The following SLC9C1 variants were observed in gnomAD, a reference collection of about 807,000 sequenced individuals.
SLC9C1 encodes the protein sodium/hydrogen exchanger 10.
In SLC9C1, 97 loss-of-function variants were observed where a neutral mutation model predicts 140.9. The ratio of observed to expected loss-of-function variants is 0.69; its 90% CI spans 0.58 to 0.82. The LOEUF is 0.82. Among genes scored for constraint, SLC9C1 ranks in the 40% least tolerant of loss-of-function variants. The pLI, the probability that SLC9C1 is intolerant of heterozygous loss-of-function variation, is 0.00. For synonymous variants in SLC9C1, 440 were observed against 442.6 expected, an observed-to-expected ratio of 0.99 and a Z score of 0.07; for missense variants, 1,340 against 1,389.3, an observed-to-expected ratio of 0.96 and a Z score of 0.56.
chr3:112,204,358 A>T lies in SLC9C1; in HGVS notation c.2032T>A (p.Phe678Ile). The T allele has an allele frequency of 6.4e-7, 1 of 1,574,286 alleles. No individual in the cohort carries two copies. The highest frequency in any genetic ancestry group is 8.6e-7 in the Non-Finnish European group (1 of 1,166,446). ...CCAATTAATGTAATTGCTAACTCGA[A>T]TATGTTCCAGGCATGTGAAAAAAAG... Reference protein sequence around the residue: ...KDFFSHAWNIFELAITLIGIL... With the variant: ...KDFFSHAWNIIELAITLIGIL... Residue 678 changes from phenylalanine (F) to isoleucine (I), a missense_variant, in exon 17 of 29, where the codon TTC (phenylalanine) becomes ATC (isoleucine). Transcript: ENST00000305815.
At chr3:112,214,462 G>A (rs9820821) in intron 15 of SLC9C1, among the ~76,000 whole-genome samples, 45,604 of 151,856 alleles carry the variant, frequency 0.3, 7,061 homozygotes, top group East Asian at 0.36. Context: ...TAGACCACTA[G>A]CAAGACTAAT....
intron 25 of SLC9C1, among the ~76,000 whole-genome samples, chr3:112,167,830 A>G (rs1351988967): frequency 1.3e-5 from 2 of 152,194 alleles, no homozygotes; most frequent in African/African-American, 4.8e-5. Flanking sequence ...AGAGTTTATC[A>G]GGCTTCAGGC....
intron 13 of SLC9C1, among the ~76,000 whole-genome samples, chr3:112,224,755 G>GA (rs1410910224): frequency 2.0e-5 from 3 of 149,122 alleles, no homozygotes; most frequent in African/African-American, 7.4e-5. Context: ...AAAAGAGAAA[G>GA]AAAAAAGAGA....
intron 13 of SLC9C1, among the ~76,000 whole-genome samples, chr3:112,225,759 G>A (rs1006877557): frequency 1.6e-5 from 1 of 63,328 alleles, no homozygotes; most frequent in Non-Finnish European, 3.5e-5. Flanking sequence ...ACCCAAAAAT[G>A]ATCAGGAGTA....
chr3:112,162,652 G>T (rs2075341034), intron 26 of SLC9C1, among the ~76,000 whole-genome samples: 1 of 152,172 alleles, frequency 6.6e-6, no homozygotes, highest in African/African-American at 2.4e-5. Flanking sequence ...TCTTTTTGAT[G>T]TACTGCTGGA....
chr3:112,241,431 G>A (rs4392388), intron 11 of SLC9C1, among the ~76,000 whole-genome samples: 89,840 of 151,920 alleles, frequency 0.59, 27,075 homozygotes, highest in East Asian at 0.79. Context: ...ATAAAACACT[G>A]TGAAAGTAAT....
intron 7 of SLC9C1, among the ~76,000 whole-genome samples, chr3:112,269,542 G>A (rs1372681497): frequency 6.6e-6 from 1 of 152,150 alleles, no homozygotes; most frequent in African/African-American, 2.4e-5. Context: ...TATGCATTCT[G>A]TTTTGGGAGG....
At chr3:112,243,823 T>C in intron 11 of SLC9C1, among the ~76,000 whole-genome samples, 172 bp downstream of exon 11, 1 of 152,018 alleles carries the variant, frequency 6.6e-6, no homozygotes, top group East Asian at 1.9e-4. Flanking sequence ...TCCAAATAGC[T>C]AGGACAACAG....
intron 1 of SLC9C1, 50 bp downstream of exon 1, chr3:112,294,043 G>A (rs904053132): frequency 1.3e-5 from 2 of 152,226 alleles, no homozygotes; most frequent in African/African-American, 2.4e-5. Flanking sequence ...GAAAGTACCA[G>A]TAGGAAAGGT....
At chr3:112,216,595 C>T (rs1434060299) in intron 15 of SLC9C1, among the ~76,000 whole-genome samples, 1 of 151,852 alleles carries the variant, frequency 6.6e-6, no homozygotes, top group Non-Finnish European at 1.5e-5. Flanking sequence ...AGCCAAAAGA[C>T]ACATGAAAAA....
chr3:112,213,494 A>G (rs963746313), intron 15 of SLC9C1, among the ~76,000 whole-genome samples: 1 of 152,174 alleles, frequency 6.6e-6, no homozygotes, highest in African/African-American at 2.4e-5. Context: ...TAGGCTCAAA[A>G]TAAAGGGATG....
At position 112,277,806 on chromosome 3, in the gene SLC9C1, G is replaced by T; in HGVS notation, c.373C>A (p.His125Asn). 6.2e-7 allele frequency: 1 copy of T among 1,611,590 alleles called. No homozygotes were observed. Reference sequence around the variant, plus strand: ...AGTAATTGATTTACAGATGCCAGATGCCAAAGAACTAAGATATAATTAACC... The same window carrying T: ...AGTAATTGATTTACAGATGCCAGATTCCAAAGAACTAAGATATAATTAACC... ...FLVNYILVLW[H>N]LASVNQLLLK... The change falls in exon 5 of 29, where the codon CAT (histidine) becomes AAT (asparagine). Residue 125 changes from histidine (H) to asparagine (N), a missense_variant. His to Asn is a moderately conservative substitution (Grantham distance 68). Transcript: ENST00000305815.
chr3:112,233,050 C>CACACAT (rs1326383624), intron 12 of SLC9C1, among the ~76,000 whole-genome samples: 125 of 86,622 alleles, frequency 1.4e-3, no homozygotes, highest in Middle Eastern at 5.2e-3. Context: ...CACACACACA[C>CACACAT]ATATATATAT....
chr3:112,165,272 CGTCAAA>C (rs1197482835), intron 26 of SLC9C1, among the ~76,000 whole-genome samples: 4 of 152,196 alleles, frequency 2.6e-5, no homozygotes, highest in African/African-American at 7.2e-5. Context: ...TCTCTCAACT[CGTCAAA>C]GTCATTCTCC....
chr3:112,261,747 A>G (rs1576470344), intron 10 of SLC9C1, among the ~76,000 whole-genome samples: 1 of 152,196 alleles, frequency 6.6e-6, no homozygotes, highest in East Asian at 1.9e-4. Flanking sequence ...TCATCATCAG[A>G]GCTTGTATTT....
chr3:112,141,536 G>T (rs1278768770), intron 28 of SLC9C1, among the ~76,000 whole-genome samples: 1 of 152,084 alleles, frequency 6.6e-6, no homozygotes, highest in Non-Finnish European at 1.5e-5. Context: ...AAATGAACAG[G>T]CATAGTTTAT....
rs150743734 is a variant in SLC9C1 at position 112,240,901 on chromosome 3, T to G, written c.1280-895A>C. On this transcript the variant is annotated intron_variant, in intron 11 of 28. Transcript: ENST00000305815. Reference sequence around the variant, plus strand: ...AAGACAAACATCACATATTCTCACTTATTTGTGGGATCTAAAAATAAAAAC... The same window carrying G: ...AAGACAAACATCACATATTCTCACTGATTTGTGGGATCTAAAAATAAAAAC... Among the ~76,000 whole-genome samples, 265 of 152,086 alleles carry G rather than the reference T, an allele frequency of 1.7e-3. 7 individuals are homozygous for G. In the East Asian group the frequency reaches 0.045, roughly 26 times the overall value.
At chr3:112,142,675 A>C (rs866710399) in intron 28 of SLC9C1, among the ~76,000 whole-genome samples, 1 of 152,232 alleles carries the variant, frequency 6.6e-6, no homozygotes, top group Non-Finnish European at 1.5e-5. Context: ...AAAAAAGAGA[A>C]TATCTTCTGA....
intron 15 of SLC9C1, among the ~76,000 whole-genome samples, chr3:112,216,255 A>G (rs1394450828): frequency 6.6e-6 from 1 of 152,242 alleles, no homozygotes; most frequent in East Asian, 1.9e-4. Flanking sequence ...TAAAAACCCT[A>G]GAAGAAAACC....
Sources: allele counts gnomAD v4.1 joint callset (sites outside exome capture counted in the v4.1 genomes callset), GRCh38; gene constraint gnomAD v4.1.1; transcripts MANE v1.5; gene names NCBI Gene and HGNC (gene_info 2026-07-23, HGNC 2026-07-21).